The following PPP6R3 variants were observed in gnomAD, a reference collection of about 807,000 sequenced individuals.
The protein encoded by PPP6R3 is serine/threonine-protein phosphatase 6 regulatory subunit 3.
Under a neutral mutation model 110.7 loss-of-function variants are expected in PPP6R3, and 38 were observed. That is an observed-to-expected ratio of 0.34 (90% confidence interval 0.26 to 0.45). The LOEUF is 0.45. Among genes scored for constraint, PPP6R3 ranks in the 20% least tolerant of loss-of-function variants. The pLI is 1.00. For synonymous variants in PPP6R3, 369 were observed against 373.5 expected (o/e 0.99, Z 0.14); for missense variants, 870 against 1,062.4 (o/e 0.82, Z 2.52).
intron 1 of PPP6R3, among the ~76,000 whole-genome samples, chr11:68,461,561 T>C (rs1441837106): frequency 1.3e-5 from 2 of 152,094 alleles, no homozygotes; most frequent in South Asian, 2.1e-4. Flanking sequence ...ATTCACTGTT[T>C]ACTTGGAGGT....
rs745954915 is a variant in PPP6R3 at position 68,612,126 on chromosome 11, T to TA, written c.2571-939dup. ...ACTGAGAGGGGCTAAGAAATCTACT[T>TA]ATAAGATCACTCAGCTTGTTTAAGT... On this transcript the variant is annotated intron_variant, in intron 23 of 23. Transcript: ENST00000393800. Among the ~76,000 whole-genome samples the TA allele has an allele frequency of 2.0e-5, 3 of 152,198 alleles. No individual in the cohort carries two copies. In the East Asian group the frequency reaches 5.8e-4, roughly 29 times the overall value.
In PPP6R3 at chr11:68,603,393, A is replaced by G. The variant is rs770063892; in HGVS notation, c.2351A>G (p.Glu784Gly). The change falls in exon 22 of 24, where the codon GAA becomes GGA. Residue 784 changes from glutamate to glycine, a missense_variant. By Grantham distance (98) the Glu-to-Gly change is moderately conservative. Transcript: ENST00000393800. ...EASSDGEEDA[E>G]STDKVTETVM... ...AGCTCTGACGGAGAGGAGGATGCAGAAAGTACAGACAAGGTAACTGAGACA... is the reference window on the plus strand; with the variant it reads ...AGCTCTGACGGAGAGGAGGATGCAGGAAGTACAGACAAGGTAACTGAGACA... 1 of 1,613,966 alleles carries G rather than the reference A, an allele frequency of 6.2e-7. No homozygotes were observed. Among genetic ancestry groups the G allele is most frequent in the African/African-American group, 1.3e-5 (1 of 74,894 alleles).
At chr11:68,520,652 C>T (rs1044566965) in intron 2 of PPP6R3, among the ~76,000 whole-genome samples, 5 of 152,216 alleles carry the variant, frequency 3.3e-5, no homozygotes, top group South Asian at 2.1e-4. Flanking sequence ...TTCAGATTCT[C>T]GTACACGACT....
At chr11:68,485,650 T>G (rs145539362) in intron 1 of PPP6R3, among the ~76,000 whole-genome samples, 153 of 152,336 alleles carry the variant, frequency 1.0e-3, no homozygotes, top group African/African-American at 3.3e-3. Flanking sequence ...CAGGTGAGTC[T>G]TCTTGAACCT....
chr11:68,609,334 A>G, intron 22 of PPP6R3: 1 of 618,978 alleles, frequency 1.6e-6, no homozygotes, highest in Non-Finnish European at 2.9e-6. Flanking sequence ...GAGCCGTGAA[A>G]TCCGATGCAG....
intron 3 of PPP6R3, among the ~76,000 whole-genome samples, chr11:68,542,387 C>CTTTTTTTTTTTTT (rs1555132162): frequency 9.4e-4 from 4 of 4,238 alleles, no homozygotes; most frequent in East Asian, 4.9e-3. Context: ...TGAGAAGCTG[C>CTTTTTTTTTTTTT]TGTTTTTTTT....
At chr11:68,557,821 A>G (rs1469409560) in intron 7 of PPP6R3, among the ~76,000 whole-genome samples, 1 of 152,206 alleles carries the variant, frequency 6.6e-6, no homozygotes, top group African/African-American at 2.4e-5. Context: ...CCTGGCGTCC[A>G]TTTCTTAATT....
chr11:68,494,241 C>G (rs1451861225), intron 1 of PPP6R3, among the ~76,000 whole-genome samples: 1 of 151,126 alleles, frequency 6.6e-6, no homozygotes, highest in Non-Finnish European at 1.5e-5. Flanking sequence ...ATCAAAACAT[C>G]ATGGCCGGGC....
At position 68,491,187 on chromosome 11, in the gene PPP6R3, C is replaced by CA. The variant is rs560557541; in HGVS notation, c.-157-28304dup. Among the ~76,000 whole-genome samples, 222 of 147,612 alleles carry CA rather than the reference C, an allele frequency of 1.5e-3. 1 individual carries two copies. Among genetic ancestry groups the CA allele is most frequent in the African/African-American group, 5.1e-3 (207 of 40,482 alleles). On this transcript the variant is annotated intron_variant, in intron 1 of 23. Transcript: ENST00000393800. ...GGGTGACAAAGCGAGATCCTGTCTC[C>CA]AAAAAAAAAATTGCTGGTTTGGTAA... is the stretch of plus-strand genomic sequence containing the variant.
At chr11:68,579,923 C>T (rs116071166) in intron 14 of PPP6R3, among the ~76,000 whole-genome samples, 2,070 of 152,264 alleles carry the variant, frequency 0.014, 57 homozygotes, top group African/African-American at 0.047. Flanking sequence ...CTATGATGTT[C>T]GCATGATGAC....
chr11:68,463,700 GA>G (rs2098724725), intron 1 of PPP6R3, among the ~76,000 whole-genome samples: 1 of 152,242 alleles, frequency 6.6e-6, no homozygotes, highest in East Asian at 1.9e-4. Context: ...CTAATGTACT[GA>G]AAAAAAGATC....
chr11:68,546,495 AC>A (rs2099349826), intron 4 of PPP6R3, among the ~76,000 whole-genome samples: 1 of 152,204 alleles, frequency 6.6e-6, no homozygotes, highest in Non-Finnish European at 1.5e-5. Context: ...TTTGCTTGTT[AC>A]ACTTCCCTGT....
chr11:68,537,989 A>C (rs931680666), intron 3 of PPP6R3, 98 bp downstream of exon 3: 32 of 926,238 alleles, frequency 3.5e-5, no homozygotes, highest in Admixed American at 1.7e-4. Context: ...GACTGTTGCC[A>C]TTTACAGAAG....
At chr11:68,554,424 T>G (rs2099391905) in intron 7 of PPP6R3, among the ~76,000 whole-genome samples, 167 bp downstream of exon 7, 1 of 152,140 alleles carries the variant, frequency 6.6e-6, no homozygotes, top group Admixed American at 6.6e-5. Flanking sequence ...TCAGTAGAAG[T>G]TTGGCAGGGT....
At chr11:68,601,108 T>G (rs764134934) in intron 20 of PPP6R3, among the ~76,000 whole-genome samples, 2 of 152,236 alleles carry the variant, frequency 1.3e-5, no homozygotes, top group African/African-American at 2.4e-5. Context: ...AGCATTAAGT[T>G]ACTACTCAGA....
chr11:68,591,827 T>C (rs77357505), intron 18 of PPP6R3, 121 bp downstream of exon 18: 9 of 1,229,296 alleles, frequency 7.3e-6, no homozygotes, highest in Non-Finnish European at 9.8e-6. Flanking sequence ...TGTTTTTTTT[T>C]GTCATGGCCA....
rs190179390 is a variant in PPP6R3 at position 68,556,951 on chromosome 11, G to A, written c.732-1615G>A. 4.0e-4 allele frequency among the ~76,000 whole-genome samples: 61 copies of A among 152,282 alleles called. No homozygotes were observed. The East Asian group carries it at 7.9e-3, about 20-fold the overall frequency. ...CAGTAGACTTCCAATTTGACACAGC[G>A]GTGAAATGGCTAGGGCCTCTGTTAG... is the stretch of plus-strand genomic sequence containing the variant. On this transcript the variant is annotated intron_variant, in intron 7 of 23. Transcript: ENST00000393800.
At chr11:68,496,108 G>GC (rs1251888421) in intron 1 of PPP6R3, among the ~76,000 whole-genome samples, 1 of 151,784 alleles carries the variant, frequency 6.6e-6, no homozygotes, top group Non-Finnish European at 1.5e-5. Flanking sequence ...TCCCACCTCC[G>GC]CCCCCCAAGT....
At chr11:68,513,462 A>G (rs1319189963) in intron 1 of PPP6R3, among the ~76,000 whole-genome samples, 2 of 152,240 alleles carry the variant, frequency 1.3e-5, no homozygotes, top group African/African-American at 2.4e-5. Flanking sequence ...TATTGGGGCT[A>G]TGAAAGCAGA....
Sources: gnomAD v4.1 joint callset for allele counts (sites outside exome capture counted in the v4.1 genomes callset) on GRCh38, gnomAD v4.1.1 for gene constraint, MANE v1.5 for transcripts, NCBI Gene and HGNC (gene_info 2026-07-23, HGNC 2026-07-21) for gene names.